GRM5: variants seen among roughly 807,000 people sequenced by gnomAD.
GRM5 encodes glutamate metabotropic receptor 5.
Under a neutral mutation model 83.1 loss-of-function variants are expected in GRM5, and 19 were observed. The observed-to-expected ratio is 0.23, with a 90% CI of 0.16 to 0.34. The LOEUF is 0.34. Among genes scored for constraint, GRM5 ranks in the 10% least tolerant of loss-of-function variants. The probability of loss-of-function intolerance (pLI) is 1.00; values close to 1 mark genes in which losing one functional copy is unlikely to be tolerated. For missense variants in GRM5, 1,160 were observed against 1,588.3 expected (o/e 0.73, Z 4.58); for synonymous variants, 675 against 633.6 (o/e 1.07, Z -0.98).
chr11:88,752,967 T>A (rs1942313011), intron 3 of GRM5, among the ~76,000 whole-genome samples: 1 of 152,180 alleles, frequency 6.6e-6, no homozygotes, highest in South Asian at 2.1e-4. Flanking sequence ...CAAGATGGAT[T>A]AAAGAATTAA....
intron 8 of GRM5, among the ~76,000 whole-genome samples, chr11:88,548,573 G>A (rs888321660): frequency 2.0e-5 from 3 of 152,040 alleles, no homozygotes; most frequent in South Asian, 2.1e-4. Flanking sequence ...CAATTATTAC[G>A]GAGCCAAACC....
chr11:88,712,586 T>C (rs1941307022), intron 3 of GRM5, among the ~76,000 whole-genome samples: 3 of 152,062 alleles, frequency 2.0e-5, no homozygotes, highest in Admixed American at 6.6e-5. Flanking sequence ...TCTTAAATTA[T>C]AGTAGAGGCA....
At chr11:88,747,279 T>TA (rs1942164552) in intron 3 of GRM5, among the ~76,000 whole-genome samples, 1 of 152,332 alleles carries the variant, frequency 6.6e-6, no homozygotes, top group East Asian at 1.9e-4. Flanking sequence ...TCAATGTGAA[T>TA]ACAGCATAAC....
Position 88,594,034 on chromosome 11 carries a change from C to T in GRM5, c.1563+3150G>A, listed in dbSNP as rs567467004. Among the ~76,000 whole-genome samples the T allele has an allele frequency of 4.6e-5, 7 of 152,156 alleles. No individual in the cohort carries two copies. The South Asian group carries it at 1.2e-3, about 27-fold the overall frequency. On this transcript the variant is annotated intron_variant, in intron 6 of 9. Coordinates refer to ENST00000305447, the MANE Select transcript of GRM5 (RefSeq NM_001143831.3). ...GGTCTCGATCTCCTGACCTTGTGAT[C>T]CGCCCGCCTAGGCCTCTCAAAGTGC...
chr11:88,590,530 T>C, intron 7 of GRM5, 71 bp downstream of exon 7: 1 of 1,241,880 alleles, frequency 8.1e-7, no homozygotes, highest in East Asian at 2.3e-5. Flanking sequence ...CGCTTGGGGA[T>C]GTGACCCCCC....
chr11:88,654,705 T>C (rs1939723776), intron 3 of GRM5, among the ~76,000 whole-genome samples: 1 of 152,122 alleles, frequency 6.6e-6, no homozygotes, highest in Non-Finnish European at 1.5e-5. Context: ...ACCTCGGTGA[T>C]ATTCAAATAT....
At chr11:89,036,378 C>A (rs11018436) in intron 2 of GRM5, among the ~76,000 whole-genome samples, 7,641 of 152,128 alleles carry the variant, frequency 0.05, 325 homozygotes, top group African/African-American at 0.11. Flanking sequence ...CTGACCAATT[C>A]TCCACTCCAT....
At chr11:88,755,136 A>C (rs1190048643) in intron 3 of GRM5, among the ~76,000 whole-genome samples, 1 of 152,194 alleles carries the variant, frequency 6.6e-6, no homozygotes, top group Non-Finnish European at 1.5e-5. Flanking sequence ...ACTGAAGCAA[A>C]TGTGTATTTA....
chr11:88,564,347 G>A (rs151317366), intron 8 of GRM5, among the ~76,000 whole-genome samples: 4 of 152,262 alleles, frequency 2.6e-5, no homozygotes, highest in Non-Finnish European at 5.9e-5. Flanking sequence ...TAGAATTTCC[G>A]TTTTCTAGTG....
At chr11:88,856,254 A>G (rs1056901042) in intron 2 of GRM5, among the ~76,000 whole-genome samples, 1 of 152,046 alleles carries the variant, frequency 6.6e-6, no homozygotes, top group Non-Finnish European at 1.5e-5. Context: ...TTCTTTCCTT[A>G]TGTCCTTATT....
At chr11:88,704,220 T>G (rs1941101546) in intron 3 of GRM5, among the ~76,000 whole-genome samples, 1 of 152,074 alleles carries the variant, frequency 6.6e-6, no homozygotes, top group Admixed American at 6.6e-5. Context: ...ACCATCACAT[T>G]GGGGCTTAGG....
chr11:88,751,003 T>C (rs1274003991), intron 3 of GRM5, among the ~76,000 whole-genome samples: 2 of 98,254 alleles, frequency 2.0e-5, no homozygotes, highest in Admixed American at 2.5e-4. Context: ...CTAAAAGAAC[T>C]AGAGAAACAA....
chr11:88,574,364 A>G (rs1016471897), intron 7 of GRM5, among the ~76,000 whole-genome samples: 5 of 152,338 alleles, frequency 3.3e-5, no homozygotes, highest in African/African-American at 9.6e-5. Context: ...TCTAAAATCA[A>G]TTCACTACAC....
intron 3 of GRM5, among the ~76,000 whole-genome samples, chr11:88,687,572 TATATATAATATATATA>T (rs1940675449): frequency 9.9e-5 from 3 of 30,378 alleles, no homozygotes; most frequent in African/African-American, 1.0e-4. Flanking sequence ...TATATATATA[TATATATAATATATATA>T]TATATATATT....
At chr11:88,748,692 G>T (rs1307099817) in intron 3 of GRM5, among the ~76,000 whole-genome samples, 6 of 152,062 alleles carry the variant, frequency 3.9e-5, no homozygotes, top group Admixed American at 3.9e-4. Context: ...GTGAATGCAG[G>T]CTGGCAACAG....
chr11:88,570,550 A>AATATATATATATAT lies in GRM5; in HGVS notation c.1691-2572_1691-2559dup, dbSNP rs199551301. ...CTGTTTTACCAAAAAAAGTATTAAT[A>AATATATATATATAT]ATATATATATATATATATATATTTT... On this transcript the variant is annotated intron_variant, in intron 7 of 9. Coordinates refer to ENST00000305447, the MANE Select transcript of GRM5 (RefSeq NM_001143831.3). Among the ~76,000 whole-genome samples, 188 of 71,834 alleles carry AATATATATATATAT rather than the reference A, an allele frequency of 2.6e-3. 3 individuals carry two copies. The highest frequency in any genetic ancestry group is 3.7e-3 in the African/African-American group (45 of 12,228). The allele number at this position is 71,834 out of a possible 152,430, so 47.1% of individuals were successfully genotyped here. A position where few individuals can be genotyped will look rare whatever the true frequency, so the allele number is the denominator to read the frequency against.
chr11:88,813,064 A>G (rs1943613335), intron 3 of GRM5, among the ~76,000 whole-genome samples: 1 of 152,136 alleles, frequency 6.6e-6, no homozygotes, highest in Non-Finnish European at 1.5e-5. Flanking sequence ...GGGGAAGATT[A>G]GTATTTATCT....
At chr11:88,560,236 T>C (rs1232126382) in intron 8 of GRM5, among the ~76,000 whole-genome samples, 1 of 152,172 alleles carries the variant, frequency 6.6e-6, no homozygotes, top group African/African-American at 2.4e-5. Flanking sequence ...CTAAACAGGG[T>C]TTAAAACACT....
intron 9 of GRM5, among the ~76,000 whole-genome samples, chr11:88,513,673 C>A (rs944919731): frequency 6.6e-6 from 1 of 152,070 alleles, no homozygotes; most frequent in Non-Finnish European, 1.5e-5. Context: ...GATTCTCAGT[C>A]CAGGATCTGA....
Sources: gnomAD v4.1 joint callset for allele counts (sites outside exome capture counted in the v4.1 genomes callset) on GRCh38, gnomAD v4.1.1 for gene constraint, MANE v1.5 for transcripts, NCBI Gene and HGNC (gene_info 2026-07-23, HGNC 2026-07-21) for gene names.